The following EYS variants were observed in gnomAD, a reference collection of about 807,000 sequenced individuals.
EYS encodes EGF-like photoreceptor maintenance factor, also known as protein eyes shut homolog.
In EYS, 250 loss-of-function variants were observed where a neutral mutation model predicts 282.1. That is an observed-to-expected ratio of 0.89 (90% CI 0.80 to 0.98). EYS has a LOEUF of 0.98. Among genes scored for constraint, EYS ranks in the 50% least tolerant of loss-of-function variants. The pLI is 0.00. For synonymous variants in EYS, 1,355 were observed against 1,282.9 expected (o/e 1.06, Z -1.20); for missense variants, 4,016 against 3,709.0 (o/e 1.08, Z -2.15).
At chr6:65,588,556 C>A in intron 2 of EYS, among the ~76,000 whole-genome samples, 1 of 145,246 alleles carries the variant, frequency 6.9e-6, no homozygotes, top group South Asian at 2.2e-4. Flanking sequence ...CTGTCCATAT[C>A]GTGCCTCTGT....
chr6:64,214,226 G>A (rs970249064), intron 31 of EYS, among the ~76,000 whole-genome samples: 2 of 152,006 alleles, frequency 1.3e-5, no homozygotes, highest in Non-Finnish European at 2.9e-5. Context: ...CTGTGTACAG[G>A]TTCTTTCCAG....
chr6:64,491,944 T>TA (rs1391311697), intron 26 of EYS, among the ~76,000 whole-genome samples: 1 of 151,178 alleles, frequency 6.6e-6, no homozygotes, highest in African/African-American at 2.4e-5. Flanking sequence ...TTAATCCCTT[T>TA]AATGCCAAGA....
rs754737478 is a variant in EYS, at chr6:63,984,459, G to A, written c.6979C>T (p.His2327Tyr). The stretch of plus-strand genomic sequence containing the variant: ...TGGCAGTTCTCAATATTCTTTCCAT[G>A]TCGTGCTTCATCGATGATGAAGAAT... ...KEFFIIDEAR[H>Y]GKNIENCHVP... Residue 2327 changes from histidine to tyrosine, a missense_variant, in exon 35 of 43, where the codon CAT becomes TAT. Coordinates refer to ENST00000503581, the MANE Select transcript of EYS (RefSeq NM_001142800.2). The A allele has an allele frequency of 3.9e-6, 6 of 1,549,696 alleles. No homozygotes were observed. The South Asian group carries it at 7.1e-5, about 18-fold the overall frequency.
At chr6:64,197,287 T>A (rs2150319942) in intron 31 of EYS, among the ~76,000 whole-genome samples, 1 of 152,300 alleles carries the variant, frequency 6.6e-6, no homozygotes, top group South Asian at 2.1e-4. Context: ...TGTGTGTGCA[T>A]TGAAATTTCC....
At chr6:65,283,914 T>C (rs1768289441) in intron 12 of EYS, among the ~76,000 whole-genome samples, 1 of 152,162 alleles carries the variant, frequency 6.6e-6, no homozygotes, top group African/African-American at 2.4e-5. Context: ...AATAATTGCT[T>C]ACAAAATAGT....
chr6:63,987,719 C>T (rs1464682765), intron 34 of EYS, among the ~76,000 whole-genome samples: 3 of 151,456 alleles, frequency 2.0e-5, no homozygotes, highest in Admixed American at 6.6e-5. Flanking sequence ...ATTGGTATTA[C>T]AGATACAATA....
At chr6:64,769,895 C>T (rs1010392864) in intron 22 of EYS, among the ~76,000 whole-genome samples, 3 of 151,882 alleles carry the variant, frequency 2.0e-5, no homozygotes, top group African/African-American at 2.4e-5. Flanking sequence ...TTTGTCAAGA[C>T]TATATCTACT....
chr6:64,366,799 G>A (rs1022556351), intron 29 of EYS, among the ~76,000 whole-genome samples: 1 of 152,070 alleles, frequency 6.6e-6, no homozygotes, highest in African/African-American at 2.4e-5. Context: ...CTTGTGATCT[G>A]AGTAGGAAGA....
intron 31 of EYS, among the ~76,000 whole-genome samples, chr6:64,182,324 T>C (rs1233853840): frequency 6.6e-6 from 1 of 152,136 alleles, no homozygotes; most frequent in Non-Finnish European, 1.5e-5. Flanking sequence ...CAAAATTATA[T>C]TGCCTTCCTT....
intron 11 of EYS, among the ~76,000 whole-genome samples, chr6:65,317,887 A>G (rs532564071): frequency 1.1e-5 from 1 of 91,414 alleles, no homozygotes; most frequent in African/African-American, 4.3e-5. Context: ...TCTTTCTTTC[A>G]GACAGAGTCT....
chr6:64,603,819 C>G (rs17404186), intron 24 of EYS, among the ~76,000 whole-genome samples: 14,849 of 150,352 alleles, frequency 0.099, 905 homozygotes, highest in East Asian at 0.17. Flanking sequence ...CATGAATTAT[C>G]CCTCTGCTTA....
chr6:64,626,848 T>A (rs1018673786), intron 22 of EYS, among the ~76,000 whole-genome samples: 1 of 152,218 alleles, frequency 6.6e-6, no homozygotes, highest in Non-Finnish European at 1.5e-5. Context: ...ATTGCATGTA[T>A]CTGCTTAAAT....
intron 2 of EYS, among the ~76,000 whole-genome samples, chr6:65,628,376 C>A (rs1361159330): frequency 6.6e-6 from 1 of 152,138 alleles, no homozygotes; most frequent in African/African-American, 2.4e-5. Context: ...CAAAAGAGGC[C>A]ACTCGGCTCC....
rs1304183769 is a variant in EYS, at chr6:64,591,466, C to T, written c.4401G>A (p.Glu1467=). 1.3e-6 allele frequency: 2 copies of T among 1,551,328 alleles called. No individual in the cohort carries two copies. Among genetic ancestry groups the T allele is most frequent in the East Asian group, 2.4e-5 (1 of 40,886 alleles). ...ATPVVSRGAQ[E]DIEEYSADSL... is the part of the protein sequence containing the mutation. ...AATCAGCTGAATATTCTTCAATATC[C>T]TCTTGAGCCCCCCTAGAGACAACTG... The change falls in exon 26 of 43, where the codon GAG becomes GAA. Residue 1467 remains glutamate (E), a synonymous_variant. Transcript: ENST00000503581.
chr6:64,259,169 G>A (rs569950031), intron 30 of EYS, among the ~76,000 whole-genome samples: 3 of 151,982 alleles, frequency 2.0e-5, no homozygotes, highest in Admixed American at 6.6e-5. Flanking sequence ...ACTTACAAAA[G>A]CTGGGGTCTG....
intron 19 of EYS, among the ~76,000 whole-genome samples, chr6:64,826,787 T>C (rs943377976): frequency 6.6e-6 from 1 of 151,150 alleles, no homozygotes; most frequent in Non-Finnish European, 1.5e-5. Flanking sequence ...TCTTCCCATT[T>C]GTCAGCGTTA....
At chr6:65,332,901 A>T (rs1769847775) in intron 11 of EYS, among the ~76,000 whole-genome samples, 1 of 151,206 alleles carries the variant, frequency 6.6e-6, no homozygotes, top group South Asian at 2.1e-4. Context: ...AAGTTAACTA[A>T]TTTTTTTAAT....
Position 64,388,731 on chromosome 6 carries a change from C to T in EYS, c.6037G>A (p.Val2013Ile). ...AGGTCTGGAAATCCACCAATGAAGA[C>T]AGATCCTGATTTTGGCAGGGGTTTT... ...LGKPLPKSGS[V>I]FIGGFPDLHG... Residue 2013 changes from valine (V) to isoleucine (I), a missense_variant, in exon 29 of 43, where the codon GTC (valine) becomes ATC (isoleucine). By Grantham distance (29) the Val-to-Ile change is conservative. Coordinates refer to ENST00000503581, the MANE Select transcript of EYS (RefSeq NM_001142800.2). 6.5e-7 allele frequency: 1 copy of T among 1,543,562 alleles called. No individual in the cohort carries two copies. Among genetic ancestry groups the T allele is most frequent in the Non-Finnish European group, 8.7e-7 (1 of 1,143,222 alleles).
chr6:63,803,650 GCT>G (rs1287245240), intron 37 of EYS, among the ~76,000 whole-genome samples: 1 of 152,146 alleles, frequency 6.6e-6, no homozygotes, highest in Non-Finnish European at 1.5e-5. Flanking sequence ...TCCTTGTGAA[GCT>G]CTGTTGTGGA....
Sources: gnomAD v4.1 joint callset for allele counts (sites outside exome capture counted in the v4.1 genomes callset) on GRCh38, gnomAD v4.1.1 for gene constraint, MANE v1.5 for transcripts, NCBI Gene and HGNC (gene_info 2026-07-23, HGNC 2026-07-21) for gene names.